The following NUF2 variants were observed in gnomAD, a reference collection of about 807,000 sequenced individuals.
The protein encoded by NUF2 is NUF2 component of NDC80 kinetochore complex, also known as kinetochore protein Nuf2.
A neutral mutation model predicts 61.8 loss-of-function variants in NUF2; 34 were observed. That is an observed-to-expected ratio of 0.55 (90% confidence interval 0.42 to 0.73). The LOEUF (loss-of-function observed/expected upper bound fraction) is 0.73, where lower values mean the gene tolerates loss of function less well. NUF2 is among the 30% of genes least tolerant of loss of function. The pLI is 0.00. For synonymous variants in NUF2, 172 were observed against 181.6 expected (o/e 0.95, Z 0.42); for missense variants, 445 against 539.1 (o/e 0.83, Z 1.73).
intron 13 of NUF2, among the ~76,000 whole-genome samples, chr1:163,350,659 T>C (rs1195324717): frequency 6.6e-6 from 1 of 152,188 alleles, no homozygotes; most frequent in Admixed American, 6.5e-5. Context: ...AATTGAAAGG[T>C]CATCTAGCAT....
Position 163,342,234 on chromosome 1 carries a change from CT to C in NUF2, c.670-1490del, listed in dbSNP as rs997904335. On this transcript the variant is annotated intron_variant, in intron 9 of 13. Transcript: ENST00000271452. ...TGTTATATTTCCCTTATTTTTCTATCTTTTTTTTTGCTGGGAAATGCTTTCA... is the reference window on the plus strand; with the variant it reads ...TGTTATATTTCCCTTATTTTTCTATCTTTTTTTTGCTGGGAAATGCTTTCA... 1.2e-4 allele frequency among the ~76,000 whole-genome samples: 18 copies of C among 150,912 alleles called. No individual in the cohort carries two copies. The South Asian group carries it at 2.5e-3, about 21-fold the overall frequency.
At position 163,338,015 on chromosome 1, in the gene NUF2, A is replaced by T; in HGVS notation, c.436-5A>T. 1.2e-6 allele frequency: 2 copies of T among 1,611,584 alleles called. No homozygotes were observed. ...AATATGAGATGATTAAAATTGCTTT[A>T]ATAGAAATCCTCTGCGGACAAAATG... On this transcript the variant is annotated splice_polypyrimidine_tract_variant and splice_region_variant and intron_variant, in intron 6 of 13. Coordinates refer to ENST00000271452, the MANE Select transcript of NUF2 (RefSeq NM_145697.3).
chr1:163,328,301 AT>A lies in NUF2; in HGVS notation c.273del (p.Leu92TrpfsTer10). 1.3e-6 allele frequency: 2 copies of A among 1,580,926 alleles called. No individual in the cohort carries two copies. The highest frequency in any genetic ancestry group is 1.7e-6 in the Non-Finnish European group (2 of 1,152,838). On this transcript the variant is annotated frameshift_variant and splice_region_variant, in exon 4 of 14. Coordinates refer to ENST00000271452, the MANE Select transcript of NUF2 (RefSeq NM_145697.3). LOFTEE classifies it high-confidence loss of function. ...GFLPFSNLVTHLDSFLPICRV... is the reference protein window; with the variant it reads ...GFLPFSNLVTXLDSFLPICRV... ...TTACCATTCAGCAATTTAGTTACTCATCTGTGAGTAAAGAGTGATTTTATTG... is the reference window on the plus strand; with the variant it reads ...TTACCATTCAGCAATTTAGTTACTCACTGTGAGTAAAGAGTGATTTTATTG...
chr1:163,343,879 T>C lies in NUF2; in HGVS notation c.807+9T>C. 1.4e-6 allele frequency: 2 copies of C among 1,387,676 alleles called. No individual in the cohort carries two copies. The highest frequency in any genetic ancestry group is 1.9e-6 in the Non-Finnish European group (2 of 1,057,132). The allele number at this position is 1,387,676 out of a possible 1,614,324, so 86.0% of individuals were successfully genotyped here. A position where few individuals can be genotyped will look rare whatever the true frequency, so the allele number is the denominator to read the frequency against. On this transcript the variant is annotated intron_variant, in intron 10 of 13. Transcript: ENST00000271452. ...AGCTTAAAAATGCCAGAGTGAGTTT[T>C]CTTTTTATTTTAATGCTTTTGTATC...
chr1:163,347,843 A>G lies in NUF2; in HGVS notation c.1029A>G (p.Arg343=). ...AGACTGAAGAAAATTCGTTCAAAAG[A>G]CTGATGATTGTGAAGAAGGAAAAAC... ...KLKTEENSFK[R]LMIVKKEKLA... is the part of the protein sequence containing the mutation. Residue 343 remains arginine, a synonymous_variant, in exon 12 of 14, where the codon AGA becomes AGG. Transcript: ENST00000271452. 6.2e-7 allele frequency: 1 copy of G among 1,612,412 alleles called. No individual in the cohort carries two copies. Among genetic ancestry groups the G allele is most frequent in the Non-Finnish European group, 8.5e-7 (1 of 1,179,308 alleles).
chr1:163,323,439 G>A (rs1396543), intron 1 of NUF2, among the ~76,000 whole-genome samples: 3,367 of 152,242 alleles, frequency 0.022, 102 homozygotes, highest in African/African-American at 0.068. Context: ...CAGCTCTGTG[G>A]CCTGGCAAGG....
intron 13 of NUF2, among the ~76,000 whole-genome samples, chr1:163,349,946 TC>T (rs1336667531): frequency 6.6e-6 from 1 of 151,942 alleles, no homozygotes; most frequent in East Asian, 1.9e-4. Flanking sequence ...CTTTTATTTT[TC>T]CTGCCTCTTA....
In NUF2 at chr1:163,332,278, G is replaced by A. The variant is rs75648421; in HGVS notation, c.337+3371G>A. On this transcript the variant is annotated intron_variant, in intron 5 of 13. Coordinates refer to ENST00000271452, the MANE Select transcript of NUF2 (RefSeq NM_145697.3). ...GTTGTCTGCTTTCCAAATATTTGGGGATTTTCCCACAATTTTTTCTGTTAC... is the reference window on the plus strand; with the variant it reads ...GTTGTCTGCTTTCCAAATATTTGGGAATTTTCCCACAATTTTTTCTGTTAC... Among the ~76,000 whole-genome samples, 1,018 of 152,094 alleles carry A rather than the reference G, an allele frequency of 6.7e-3. 7 individuals are homozygous for A. Among genetic ancestry groups the A allele is most frequent in the Middle Eastern group, 0.01 (3 of 294 alleles).
At chr1:163,331,258 G>A (rs555415852) in intron 5 of NUF2, among the ~76,000 whole-genome samples, 3 of 151,360 alleles carry the variant, frequency 2.0e-5, no homozygotes, top group South Asian at 2.1e-4. Context: ...ATGCCTTTTC[G>A]GCCTCTAGTG....
At chr1:163,343,363 A>G (rs1333284719) in intron 9 of NUF2, among the ~76,000 whole-genome samples, 2 of 152,198 alleles carry the variant, frequency 1.3e-5, no homozygotes, top group Non-Finnish European at 2.9e-5. Context: ...CAAATTTAGC[A>G]GGCAGACCGG....
chr1:163,335,990 C>T (rs1650745337), intron 5 of NUF2, among the ~76,000 whole-genome samples: 1 of 152,064 alleles, frequency 6.6e-6, no homozygotes, highest in Admixed American at 6.5e-5. Context: ...TCTCTATCCC[C>T]TTTATTTATT....
At chr1:163,337,338 T>C (rs1306333469) in intron 6 of NUF2, among the ~76,000 whole-genome samples, 1 of 152,044 alleles carries the variant, frequency 6.6e-6, no homozygotes, top group Non-Finnish European at 1.5e-5. Flanking sequence ...CATCAACAAC[T>C]TAAAGAACTG....
chr1:163,344,838 A>G (rs1372720156), intron 10 of NUF2, among the ~76,000 whole-genome samples: 1 of 152,004 alleles, frequency 6.6e-6, no homozygotes, highest in Admixed American at 6.6e-5. Context: ...TGAGAAAAGG[A>G]TGATTTATTT....
chr1:163,323,701 A>G (rs572090290), intron 1 of NUF2, among the ~76,000 whole-genome samples: 1 of 152,260 alleles, frequency 6.6e-6, no homozygotes, highest in African/African-American at 2.4e-5. Context: ...AGCCTGGATG[A>G]CAAACTGAGA....
At chr1:163,337,697 G>C (rs76593355) in intron 6 of NUF2, among the ~76,000 whole-genome samples, 2,367 of 152,050 alleles carry the variant, frequency 0.016, 69 homozygotes, top group African/African-American at 0.052. Context: ...TGTCACTCTT[G>C]TTGGTTCCCA....
intron 9 of NUF2, among the ~76,000 whole-genome samples, chr1:163,343,199 A>C (rs1266045620): frequency 6.6e-6 from 1 of 152,224 alleles, no homozygotes; most frequent in African/African-American, 2.4e-5. Flanking sequence ...TTGTTTGGGT[A>C]CTGGGAAAAC....
rs755065361 is a variant in NUF2 at position 163,326,181 on chromosome 1, G to C, written c.123+7G>C. The C allele has an allele frequency of 6.2e-7, 1 of 1,611,542 alleles. No homozygotes were observed. The highest frequency in any genetic ancestry group is 1.3e-5 in the African/African-American group (1 of 74,912). On this transcript the variant is annotated splice_region_variant and intron_variant, in intron 2 of 13. Coordinates refer to ENST00000271452, the MANE Select transcript of NUF2 (RefSeq NM_145697.3). ...TCTTTATCCAAATCCAAAGGTAAAA[G>C]GTGGTTACGTTTGCATGTGGATAAT...
intron 5 of NUF2, among the ~76,000 whole-genome samples, chr1:163,334,629 A>G (rs76411345): frequency 6.6e-6 from 1 of 152,144 alleles, no homozygotes; most frequent in African/African-American, 2.4e-5. Context: ...AATGTTAAAA[A>G]TGAGCCAGAT....
At chr1:163,331,182 G>A (rs903450566) in intron 5 of NUF2, among the ~76,000 whole-genome samples, 2 of 151,540 alleles carry the variant, frequency 1.3e-5, no homozygotes, top group Non-Finnish European at 3.0e-5. Flanking sequence ...TTTCTTAGAT[G>A]TTTTTTATCA....
Sources: gnomAD v4.1 joint callset for allele counts (sites outside exome capture counted in the v4.1 genomes callset) on GRCh38, gnomAD v4.1.1 for gene constraint, MANE v1.5 for transcripts, NCBI Gene and HGNC (gene_info 2026-07-23, HGNC 2026-07-21) for gene names.